Variants in SGCZ observed in about 807,000 individuals in gnomAD.
SGCZ encodes sarcoglycan zeta.
Under a neutral mutation model 41.3 loss-of-function variants are expected in SGCZ, and 40 were observed. That is an observed-to-expected ratio of 0.97 (90% confidence interval 0.75 to 1.26). The LOEUF is 1.26. SGCZ is among the 50% of genes most tolerant of loss of function. SGCZ has a pLI of 0.00. For synonymous variants in SGCZ, 206 were observed against 137.5 expected, an observed-to-expected ratio of 1.50 and a Z score of -3.49; for missense variants, 552 against 369.8, an observed-to-expected ratio of 1.49 and a Z score of -4.04.
intron 1 of SGCZ, among the ~76,000 whole-genome samples, chr8:14,890,995 C>T (rs1449814016): frequency 6.6e-6 from 1 of 152,174 alleles, no homozygotes; most frequent in African/African-American, 2.4e-5. Flanking sequence ...CTATTGAGAC[C>T]TATTCCTGAG....
At chr8:14,992,256 G>C (rs1223790215) in intron 1 of SGCZ, among the ~76,000 whole-genome samples, 2 of 147,494 alleles carry the variant, frequency 1.4e-5, no homozygotes, top group Non-Finnish European at 3.0e-5. Flanking sequence ...TGTTACCCTT[G>C]CTATTTACCT....
chr8:14,224,866 G>C (rs1047389740), intron 4 of SGCZ, among the ~76,000 whole-genome samples: 53 of 152,100 alleles, frequency 3.5e-4, no homozygotes, highest in Admixed American at 1.6e-3. Context: ...CTTATACTGT[G>C]ACCCTACCAA....
chr8:14,915,270 T>C (rs1463826195), intron 1 of SGCZ, among the ~76,000 whole-genome samples: 4 of 152,176 alleles, frequency 2.6e-5, no homozygotes, highest in African/African-American at 4.8e-5. Context: ...TATGCTGTTA[T>C]GGTAATTCAA....
At chr8:14,721,403 T>C (rs1382912381) in intron 1 of SGCZ, among the ~76,000 whole-genome samples, 2 of 152,174 alleles carry the variant, frequency 1.3e-5, no homozygotes, top group African/African-American at 2.4e-5. Flanking sequence ...CGTGCTTTTA[T>C]CTGAAAACCT....
chr8:14,769,805 A>AC (rs1563257572), intron 1 of SGCZ, among the ~76,000 whole-genome samples: 1 of 149,924 alleles, frequency 6.7e-6, no homozygotes, highest in African/African-American at 2.5e-5. Flanking sequence ...AAAAAAAAAA[A>AC]AAAAAAAAAA....
chr8:14,421,975 GC>G (rs538317853), intron 2 of SGCZ, among the ~76,000 whole-genome samples: 126 of 152,150 alleles, frequency 8.3e-4, no homozygotes, highest in African/African-American at 2.9e-3. Flanking sequence ...CTTTAATAGA[GC>G]AATACAAGAT....
In SGCZ at chr8:15,181,582, C is replaced by T. The variant is rs1228919179; in HGVS notation, c.39+56003G>A. Among the ~76,000 whole-genome samples, 3 of 152,060 alleles carry T rather than the reference C, an allele frequency of 2.0e-5. No individual in the cohort carries two copies. In the East Asian group the frequency reaches 5.8e-4, roughly 29 times the overall value. ...AGCAAATAAGTGCTTGTGTCTTTGCCTCAAACCATTATGTTGAAATATCAG... is the reference window on the plus strand; with the variant it reads ...AGCAAATAAGTGCTTGTGTCTTTGCTTCAAACCATTATGTTGAAATATCAG... On this transcript the variant is annotated intron_variant, in intron 1 of 7. Coordinates refer to ENST00000382080, the MANE Select transcript of SGCZ (RefSeq NM_139167.4).
chr8:15,102,628 G>T (rs766086987), intron 1 of SGCZ, among the ~76,000 whole-genome samples: 1 of 151,846 alleles, frequency 6.6e-6, no homozygotes, highest in Non-Finnish European at 1.5e-5. Context: ...GGGACAGCAG[G>T]GTATAGGAGA....
intron 1 of SGCZ, among the ~76,000 whole-genome samples, chr8:14,986,557 C>G (rs570536090): frequency 2.0e-5 from 3 of 152,048 alleles, no homozygotes; most frequent in African/African-American, 7.2e-5. Context: ...TCCTTTCGAA[C>G]AGGTAGAAAT....
intron 1 of SGCZ, among the ~76,000 whole-genome samples, chr8:14,843,309 A>T (rs1802989841): frequency 6.6e-6 from 1 of 152,292 alleles, no homozygotes; most frequent in African/African-American, 2.4e-5. Context: ...TGGGGGTTTA[A>T]AACACGACCT....
At chr8:14,400,991 A>T (rs939306754) in intron 2 of SGCZ, among the ~76,000 whole-genome samples, 1 of 152,152 alleles carries the variant, frequency 6.6e-6, no homozygotes, top group African/African-American at 2.4e-5. Flanking sequence ...AGTCCTAACA[A>T]TCAGTGGAAC....
Position 14,626,806 on chromosome 8 carries a change from T to C in SGCZ, c.40-71880A>G, listed in dbSNP as rs1020542409. ...AGGCTGCTGATATCTTGAATTTACA[T>C]TTCTAGTCACCAGAACTGAGAGACC... On this transcript the variant is annotated intron_variant, in intron 1 of 7. Coordinates refer to ENST00000382080, the MANE Select transcript of SGCZ (RefSeq NM_139167.4). 7.9e-5 allele frequency among the ~76,000 whole-genome samples: 12 copies of C among 152,172 alleles called. 1 individual carries two copies.
intron 5 of SGCZ, among the ~76,000 whole-genome samples, chr8:14,126,283 A>G (rs1236446839): frequency 6.6e-6 from 1 of 152,136 alleles, no homozygotes; most frequent in Non-Finnish European, 1.5e-5. Context: ...CAAATTTATA[A>G]GAGAAAACAA....
intron 1 of SGCZ, among the ~76,000 whole-genome samples, chr8:14,791,301 A>C (rs1168075201): frequency 6.6e-6 from 1 of 152,034 alleles, no homozygotes; most frequent in African/African-American, 2.4e-5. Flanking sequence ...ATTTATTCTG[A>C]CATTGAGCAC....
At chr8:14,456,440 A>G (rs1482483627) in intron 2 of SGCZ, among the ~76,000 whole-genome samples, 1 of 152,184 alleles carries the variant, frequency 6.6e-6, no homozygotes, top group East Asian at 1.9e-4. Flanking sequence ...TAGAATTTGC[A>G]GAGGAAAAGT....
intron 1 of SGCZ, among the ~76,000 whole-genome samples, chr8:15,017,172 G>C (rs1441845928): frequency 6.6e-6 from 1 of 152,178 alleles, no homozygotes; most frequent in African/African-American, 2.4e-5. Context: ...TTACTTTTCA[G>C]TAGATACATT....
intron 1 of SGCZ, among the ~76,000 whole-genome samples, chr8:15,132,952 C>A (rs1351561447): frequency 6.6e-6 from 1 of 152,032 alleles, no homozygotes; most frequent in African/African-American, 2.4e-5. Context: ...ATCAGCCTGG[C>A]AACATGATGA....
chr8:14,278,217 G>A (rs942318175), intron 3 of SGCZ, among the ~76,000 whole-genome samples: 22 of 152,014 alleles, frequency 1.4e-4, no homozygotes, highest in African/African-American at 2.4e-4. Context: ...CCCCTCCTCC[G>A]TAAGGTATTT....
chr8:14,299,893 A>G (rs1201504478), intron 3 of SGCZ, among the ~76,000 whole-genome samples: 1 of 152,050 alleles, frequency 6.6e-6, no homozygotes, highest in Non-Finnish European at 1.5e-5. Context: ...TTCTTACAAT[A>G]AAATACTACT....
Sources: gnomAD v4.1 joint callset for allele counts (sites outside exome capture counted in the v4.1 genomes callset) on GRCh38, gnomAD v4.1.1 for gene constraint, MANE v1.5 for transcripts, NCBI Gene and HGNC (gene_info 2026-07-23, HGNC 2026-07-21) for gene names.